The following CRYBG1 variants were observed in gnomAD, a reference collection of about 807,000 sequenced individuals.
The protein encoded by CRYBG1 is crystallin beta-gamma domain containing 1.
In CRYBG1, 139 loss-of-function variants were observed where a neutral mutation model predicts 189.2. That is an observed-to-expected ratio of 0.73 (90% CI 0.64 to 0.85). The LOEUF is 0.85. Ranked by LOEUF, CRYBG1 falls within the 40% of genes least tolerant of loss-of-function variation. The probability of loss-of-function intolerance (pLI) is 0.00; values close to 1 mark genes in which losing one functional copy is unlikely to be tolerated. For missense variants in CRYBG1, 2,611 were observed against 2,675.8 expected, an observed-to-expected ratio of 0.98 and a Z score of 0.53; for synonymous variants, 1,023 against 1,017.1, an observed-to-expected ratio of 1.01 and a Z score of -0.11.
At chr6:106,557,623 G>C (rs1774583136) in intron 17 of CRYBG1, among the ~76,000 whole-genome samples, 1 of 151,726 alleles carries the variant, frequency 6.6e-6, no homozygotes, top group Non-Finnish European at 1.5e-5. Flanking sequence ...AATAGAGATG[G>C]GGTTTCACCC....
At chr6:106,405,993 G>A (rs1021289959) in intron 1 of CRYBG1, among the ~76,000 whole-genome samples, 5 of 152,080 alleles carry the variant, frequency 3.3e-5, no homozygotes, top group African/African-American at 1.2e-4. Flanking sequence ...ACAACTCTTC[G>A]CCAGCAAGGG....
intron 13 of CRYBG1, among the ~76,000 whole-genome samples, chr6:106,545,996 A>G (rs1227687403): frequency 6.6e-6 from 1 of 152,184 alleles, no homozygotes; most frequent in Admixed American, 6.5e-5. Context: ...CATTTCTTGC[A>G]GTGGAAAGAG....
At chr6:106,447,621 C>T (rs963131253) in intron 1 of CRYBG1, among the ~76,000 whole-genome samples, 1 of 149,284 alleles carries the variant, frequency 6.7e-6, no homozygotes, top group Non-Finnish European at 1.5e-5. Flanking sequence ...AAAACATTAC[C>T]CTTTGGAAAA....
chr6:106,431,807 A>G (rs958291440), intron 1 of CRYBG1, among the ~76,000 whole-genome samples: 25 of 152,216 alleles, frequency 1.6e-4, no homozygotes, highest in South Asian at 6.2e-4. Context: ...CCCACCCTAC[A>G]GAGGGCCAGC....
chr6:106,527,357 G>C lies in CRYBG1; in HGVS notation c.4465G>C (p.Glu1489Gln). Residue 1489 changes from glutamate to glutamine, a missense_variant, in exon 7 of 22, where the codon GAA becomes CAA. Coordinates refer to ENST00000633556, the MANE Select transcript of CRYBG1 (RefSeq NM_001371242.2). Reference protein sequence around the residue: ...NFEGHSIPLEEGELELSGLWG... With the variant: ...NFEGHSIPLEQGELELSGLWG... ...TGAAGGGCACTCCATCCCCTTAGAAGAAGGAGAATTGGAACTCTCTGGTCT... is the reference window on the plus strand; with the variant it reads ...TGAAGGGCACTCCATCCCCTTAGAACAAGGAGAATTGGAACTCTCTGGTCT... The C allele has an allele frequency of 6.2e-7, 1 of 1,613,562 alleles. No individual in the cohort carries two copies. Among genetic ancestry groups the C allele is most frequent in the East Asian group, 2.2e-5 (1 of 44,842 alleles).
At chr6:106,506,766 G>A (rs1285992144) in intron 2 of CRYBG1, among the ~76,000 whole-genome samples, 1 of 151,892 alleles carries the variant, frequency 6.6e-6, no homozygotes, top group Non-Finnish European at 1.5e-5. Context: ...ATTTCTTAAA[G>A]ATATAAACAG....
rs569750038 is a variant in CRYBG1, at chr6:106,537,070, G to A, written c.4719-2333G>A. On this transcript the variant is annotated intron_variant, in intron 8 of 21. Transcript: ENST00000633556. Reference sequence around the variant, plus strand: ...AGTCTTTTCAAATGCATTCATTCATGTTTTCGGTTTTTTCACAAATTCCCC... The same window carrying A: ...AGTCTTTTCAAATGCATTCATTCATATTTTCGGTTTTTTCACAAATTCCCC... Among the ~76,000 whole-genome samples, 28 of 152,280 alleles carry A rather than the reference G, an allele frequency of 1.8e-4. 1 individual carries two copies. The South Asian group carries it at 5.0e-3, about 27-fold the overall frequency.
In CRYBG1 at chr6:106,539,467, C is replaced by G; in HGVS notation, c.4783C>G (p.Pro1595Ala). ...VPFILEPGEY[P>A]DLSFWDTEEA... ...TTTCATCCTGGAACCTGGTGAATAC[C>G]CTGACTTGTCCTTCTGGGATACAGA... The change falls in exon 9 of 22, where the codon CCT becomes GCT. Residue 1595 changes from proline (P) to alanine (A), a missense_variant. By Grantham distance (27) the Pro-to-Ala change is conservative (BLOSUM62 -1). Around this residue, in one of 3 missense-constraint regions of CRYBG1, gnomAD observed 1,622 missense variants for 1,735.0 expected, o/e 0.93. Coordinates refer to ENST00000633556, the MANE Select transcript of CRYBG1 (RefSeq NM_001371242.2). 6.2e-7 allele frequency: 1 copy of G among 1,613,788 alleles called. No homozygotes were observed. The highest frequency in any genetic ancestry group is 1.3e-5 in the African/African-American group (1 of 74,974).
intron 3 of CRYBG1, among the ~76,000 whole-genome samples, chr6:106,514,180 A>T (rs1024649503): frequency 2.6e-5 from 4 of 152,192 alleles, no homozygotes; most frequent in African/African-American, 4.8e-5. Context: ...GGTGGACAGG[A>T]TAGGGAAGGT....
chr6:106,469,410 T>C (rs1313837790), intron 2 of CRYBG1, among the ~76,000 whole-genome samples: 5 of 152,254 alleles, frequency 3.3e-5, no homozygotes, highest in Admixed American at 2.0e-4. Flanking sequence ...TTTGTCTCTT[T>C]TGTTCATTGC....
intron 4 of CRYBG1, among the ~76,000 whole-genome samples, chr6:106,522,144 T>C (rs1773625267): frequency 6.6e-6 from 1 of 152,252 alleles, no homozygotes; most frequent in Non-Finnish European, 1.5e-5. Context: ...CTATTCTATG[T>C]AAAAATGCTC....
chr6:106,388,336 T>C (rs2787523), intron 1 of CRYBG1, among the ~76,000 whole-genome samples: 68,123 of 151,856 alleles, frequency 0.45, 16,034 homozygotes, highest in East Asian at 0.67. Context: ...GTTTTGGCCA[T>C]GCACTTATTT....
At chr6:106,455,599 A>G (rs1468356245) in intron 2 of CRYBG1, among the ~76,000 whole-genome samples, 2 of 152,136 alleles carry the variant, frequency 1.3e-5, no homozygotes, top group Non-Finnish European at 2.9e-5. Flanking sequence ...CTAGTATAAA[A>G]ATATTTTAAT....
rs761878814 is a variant in CRYBG1 at position 106,521,293 on chromosome 6, T to C, written c.4085T>C (p.Leu1362Pro). The C allele has an allele frequency of 3.1e-6, 5 of 1,614,114 alleles. No individual in the cohort carries two copies. Among genetic ancestry groups the C allele is most frequent in the Admixed American group, 3.3e-5 (2 of 60,008 alleles). The stretch of plus-strand genomic sequence containing the variant: ...ACTAAATTTTCTGAATTGTCAAAAC[T>C]GAAGAATGATGATATGGAAAAGGCT... The part of the protein sequence containing the change: ...PETKFSELSK[L>P]KNDDMEKANH... The change falls in exon 4 of 22, where the codon CTG (leucine) becomes CCG (proline). Residue 1362 changes from leucine to proline, a missense_variant. Around this residue, in one of 3 missense-constraint regions of CRYBG1, gnomAD observed 1,622 missense variants for 1,735.0 expected, o/e 0.93. Transcript: ENST00000633556.
At chr6:106,449,266 C>A (rs1771730782) in intron 1 of CRYBG1, 1 of 152,140 alleles carries the variant, frequency 6.6e-6, no homozygotes, top group Admixed American at 6.5e-5. Flanking sequence ...TTTTATCTCT[C>A]TTGTCACTTG....
At chr6:106,432,788 A>G (rs1237819838) in intron 1 of CRYBG1, among the ~76,000 whole-genome samples, 1 of 151,606 alleles carries the variant, frequency 6.6e-6, no homozygotes, top group Non-Finnish European at 1.5e-5. Context: ...TTTGTAAAAC[A>G]TCCTAATATG....
chr6:106,489,077 A>G (rs1238105791), intron 2 of CRYBG1, among the ~76,000 whole-genome samples: 1 of 152,182 alleles, frequency 6.6e-6, no homozygotes, highest in Non-Finnish European at 1.5e-5. Flanking sequence ...GGAGACTGCC[A>G]AGGGTCTGCA....
At chr6:106,411,842 G>C (rs1372090578) in intron 1 of CRYBG1, among the ~76,000 whole-genome samples, 2 of 152,176 alleles carry the variant, frequency 1.3e-5, no homozygotes, top group Non-Finnish European at 2.9e-5. Context: ...GAAGAACCTG[G>C]AGTCAGATGT....
Position 106,507,478 on chromosome 6 carries a change from G to C in CRYBG1, c.313-3952G>C, listed in dbSNP as rs375210519. 3.6e-3 allele frequency among the ~76,000 whole-genome samples: 546 copies of C among 152,346 alleles called. 4 individuals are homozygous for C. The highest frequency in any genetic ancestry group is 0.013 in the African/African-American group (527 of 41,576). ...CCTGCCCAGGCCTGTGGGAAAGTCAGGGGCAGAGGAATCTGAGGAAGCATG... is the reference window on the plus strand; with the variant it reads ...CCTGCCCAGGCCTGTGGGAAAGTCACGGGCAGAGGAATCTGAGGAAGCATG... On this transcript the variant is annotated intron_variant, in intron 2 of 21. Transcript: ENST00000633556.
Sources: allele counts gnomAD v4.1 joint callset (sites outside exome capture counted in the v4.1 genomes callset), GRCh38; gene constraint gnomAD v4.1.1; regional missense constraint gnomAD v4.1.1; transcripts MANE v1.5; gene names NCBI Gene and HGNC (gene_info 2026-07-23, HGNC 2026-07-21).